AFF1: variants seen among roughly 807,000 people sequenced by gnomAD.
The protein encoded by AFF1 is AF4/FMR2 family member 1.
Under a neutral mutation model 121.7 loss-of-function variants are expected in AFF1, and 48 were observed. The observed-to-expected ratio is 0.39, with a 90% CI of 0.31 to 0.50. The LOEUF (loss-of-function observed/expected upper bound fraction) is 0.50. Among genes scored for constraint, AFF1 ranks in the 20% least tolerant of loss-of-function variants. AFF1 has a pLI of 0.76. For missense variants in AFF1, 1,523 were observed against 1,511.7 expected (o/e 1.01, Z -0.12); for synonymous variants, 613 against 563.0 (o/e 1.09, Z -1.26).
Position 87,136,783 on chromosome 4 carries a change from C to G in AFF1, c.*1082C>G, listed in dbSNP as rs1729336431. 4.5e-6 allele frequency: 1 copy of G among 224,608 alleles called. No homozygotes were observed. Among genetic ancestry groups the G allele is most frequent in the African/African-American group, 2.2e-5 (1 of 44,782 alleles). 13.9% of individuals were successfully genotyped at this position (224,608 alleles called of 1,614,324 possible). A position where few individuals can be genotyped will look rare whatever the true frequency, so the allele number is the denominator to read the frequency against. On this transcript the variant is annotated 3_prime_UTR_variant, in exon 21 of 21. Coordinates refer to ENST00000395146, the MANE Select transcript of AFF1 (RefSeq NM_001166693.3). ...TGCTTCTTAGAGAGGCTATATTTTT[C>G]TGCTACAAATATTTTATATTTATAG...
At chr4:87,131,745 G>C (rs1560663116) in intron 17 of AFF1, 48 bp from the exon 18 acceptor site, 1 of 1,410,478 alleles carries the variant, frequency 7.1e-7, no homozygotes, top group Non-Finnish European at 9.9e-7. Context: ...AGTTGTATTT[G>C]TGTCTGCCTT....
intron 5 of AFF1, among the ~76,000 whole-genome samples, 183 bp downstream of exon 5, chr4:87,084,347 T>G (rs990341950): frequency 6.6e-6 from 1 of 151,998 alleles, no homozygotes; most frequent in African/African-American, 2.4e-5. Context: ...ACGACCAGCC[T>G]GGACAACATA....
chr4:87,127,076 T>C lies in AFF1; in HGVS notation c.2862T>C (p.Asn954=), dbSNP rs759872363. The stretch of plus-strand genomic sequence containing the variant: ...CTTTTCCAGTGCCTTCTTTGCCAAA[T>C]GGTAACTCTAAACCAGGGAAGCCTC... ...ANPFPVPSLP[N]GNSKPGKPQV... The change falls in exon 15 of 21, where the codon AAT becomes AAC. Residue 954 remains asparagine, a synonymous_variant. Transcript: ENST00000395146. 1 of 1,613,582 alleles carries C rather than the reference T, an allele frequency of 6.2e-7. No homozygotes were observed.
intron 1 of AFF1, among the ~76,000 whole-genome samples, chr4:86,938,952 AC>A (rs1261776360): frequency 6.6e-6 from 1 of 152,242 alleles, no homozygotes; most frequent in African/African-American, 2.4e-5. Context: ...TGCTAGAGTG[AC>A]TTTTTCCTAT....
intron 4 of AFF1, among the ~76,000 whole-genome samples, chr4:87,050,869 G>A (rs1329277717): frequency 2.0e-5 from 3 of 152,278 alleles, no homozygotes; most frequent in East Asian, 1.9e-4. Flanking sequence ...TCTTTATATC[G>A]TTCTTTTCTG....
intron 2 of AFF1, among the ~76,000 whole-genome samples, chr4:87,010,118 TTTGAA>T (rs1726586818): frequency 6.6e-6 from 1 of 152,226 alleles, no homozygotes; most frequent in African/African-American, 2.4e-5. Context: ...CTAGAAGTAC[TTTGAA>T]TTGAGAGATT....
intron 2 of AFF1, chr4:87,020,682 C>A: frequency 2.0e-6 from 1 of 491,612 alleles, no homozygotes; most frequent in Non-Finnish European, 2.6e-6. Flanking sequence ...GACAGGGTTT[C>A]ACTGTGTTAG....
chr4:87,040,107 G>T (rs749016297), intron 2 of AFF1, among the ~76,000 whole-genome samples: 14 of 152,130 alleles, frequency 9.2e-5, no homozygotes, highest in Admixed American at 9.2e-4. Context: ...GGCCAGGCTG[G>T]TCTCAAACCC....
At chr4:87,134,344 G>A in intron 19 of AFF1, 127 bp from the exon 20 acceptor site, 1 of 864,322 alleles carries the variant, frequency 1.2e-6, no homozygotes, top group Non-Finnish European at 1.8e-6. Context: ...TTTAGCAGTG[G>A]TTATCATTTT....
At chr4:86,948,060 T>A (rs1166269331) in intron 1 of AFF1, among the ~76,000 whole-genome samples, 1 of 152,064 alleles carries the variant, frequency 6.6e-6, no homozygotes, top group Non-Finnish European at 1.5e-5. Context: ...CTTGGTTGTT[T>A]TTTTTTGTGT....
At chr4:87,119,423 A>C (rs1285669023) in intron 12 of AFF1, among the ~76,000 whole-genome samples, 2 of 151,908 alleles carry the variant, frequency 1.3e-5, no homozygotes, top group African/African-American at 4.8e-5. Flanking sequence ...TGAAAAAAAA[A>C]AATTAGGCAC....
At chr4:87,131,243 T>C (rs757218273) in intron 17 of AFF1, 24 bp downstream of exon 17, 20 of 1,612,032 alleles carry the variant, frequency 1.2e-5, no homozygotes, top group Non-Finnish European at 1.5e-5. Context: ...CATTGTGCTT[T>C]CCTCTTAAGT....
chr4:86,989,269 A>C (rs182077863), intron 2 of AFF1, among the ~76,000 whole-genome samples: 1 of 152,354 alleles, frequency 6.6e-6, no homozygotes, highest in East Asian at 1.9e-4. Context: ...AATGGGAGAA[A>C]ATTTTTGCAA....
chr4:87,131,398 A>G (rs1194828419), intron 17 of AFF1, among the ~76,000 whole-genome samples, 179 bp downstream of exon 17: 1 of 152,276 alleles, frequency 6.6e-6, no homozygotes, highest in East Asian at 1.9e-4. Context: ...GCTAGCACAG[A>G]ATAACTGGGT....
chr4:87,106,407 T>C (rs1725914800), intron 10 of AFF1, among the ~76,000 whole-genome samples: 1 of 152,164 alleles, frequency 6.6e-6, no homozygotes, highest in Non-Finnish European at 1.5e-5. Context: ...CAAACAAGCT[T>C]AAAATACAAT....
chr4:87,105,197 T>G (rs1725789891), intron 8 of AFF1, among the ~76,000 whole-genome samples: 1 of 152,236 alleles, frequency 6.6e-6, no homozygotes, highest in Non-Finnish European at 1.5e-5. Flanking sequence ...CTACTTTAGT[T>G]CAGTTAGAGC....
At chr4:87,101,270 C>T (rs1276147432) in intron 8 of AFF1, among the ~76,000 whole-genome samples, 3 of 152,172 alleles carry the variant, frequency 2.0e-5, no homozygotes, top group African/African-American at 7.2e-5. Flanking sequence ...GAATCAGAGC[C>T]TGATTGCTTT....
At chr4:86,990,988 C>T (rs370294630) in intron 2 of AFF1, among the ~76,000 whole-genome samples, 42 of 151,832 alleles carry the variant, frequency 2.8e-4, no homozygotes, top group East Asian at 2.1e-3. Context: ...CTTGTCTCTA[C>T]TAAAAATGTA....
intron 4 of AFF1, among the ~76,000 whole-genome samples, chr4:87,083,240 A>G (rs1723350240): frequency 6.6e-6 from 1 of 152,186 alleles, no homozygotes; most frequent in Non-Finnish European, 1.5e-5. Flanking sequence ...AGCAATAATC[A>G]TTATTTGTTT....
Sources: allele counts gnomAD v4.1 joint callset (sites outside exome capture counted in the v4.1 genomes callset), GRCh38; gene constraint gnomAD v4.1.1; transcripts MANE v1.5; gene names NCBI Gene and HGNC (gene_info 2026-07-23, HGNC 2026-07-21).